GPN3: variants seen among roughly 807,000 people sequenced by gnomAD.
GPN3 encodes GPN-loop GTPase 3, also known as ATP-binding domain 1 family member C.
Under a neutral mutation model 38.7 loss-of-function variants are expected in GPN3, and 31 were observed. The ratio of observed to expected loss-of-function variants is 0.80; its 90% CI spans 0.60 to 1.08. The LOEUF is 1.08. Among genes scored for constraint, GPN3 ranks in the 50% least tolerant of loss-of-function variants. The pLI, the probability that GPN3 is intolerant of heterozygous loss-of-function variation, is 0.00. For missense variants in GPN3, 301 were observed against 354.4 expected, an observed-to-expected ratio of 0.85 and a Z score of 1.21; for synonymous variants, 116 against 120.2, an observed-to-expected ratio of 0.96 and a Z score of 0.23.
At chr12:110,460,008 G>C in intron 2 of GPN3, 146 bp from the exon 3 acceptor site, 1 of 637,710 alleles carries the variant, frequency 1.6e-6, no homozygotes. Context: ...CTGTAGCAGT[G>C]TCCATCAATA....
Position 110,452,977 on chromosome 12 carries a change from A to T in GPN3, c.*57T>A. The T allele has an allele frequency of 1.2e-6, 1 of 811,944 alleles. No individual in the cohort carries two copies. Among genetic ancestry groups the T allele is most frequent in the South Asian group, 1.3e-5 (1 of 74,740 alleles). The allele number at this position is 811,944 out of a possible 1,614,324, so 50.3% of individuals were successfully genotyped here. A position where few individuals can be genotyped will look rare whatever the true frequency, so the allele number is the denominator to read the frequency against. On this transcript the variant is annotated 3_prime_UTR_variant, in exon 8 of 8. Coordinates refer to ENST00000228827, the MANE Select transcript of GPN3 (RefSeq NM_016301.4). ...TCTACTATTGCATCCTTTGAAGAGAAGAATGTTCTGCTGGTTTGGCCACAA... is the reference window on the plus strand; with the variant it reads ...TCTACTATTGCATCCTTTGAAGAGATGAATGTTCTGCTGGTTTGGCCACAA...
At chr12:110,468,037 G>A in intron 1 of GPN3, 119 bp downstream of exon 1, 5 of 1,336,554 alleles carry the variant, frequency 3.7e-6, no homozygotes, top group African/African-American at 1.4e-5. Flanking sequence ...CAGCAGAAAT[G>A]AGTTGCGTGG....
At chr12:110,462,017 T>C (rs116937377) in intron 2 of GPN3, among the ~76,000 whole-genome samples, 1,825 of 152,214 alleles carry the variant, frequency 0.012, 17 homozygotes, top group Middle Eastern at 0.027. Flanking sequence ...AATCTTTGTA[T>C]TGACTTGTAG....
At chr12:110,465,893 A>G (rs1436185786) in intron 1 of GPN3, among the ~76,000 whole-genome samples, 1 of 152,136 alleles carries the variant, frequency 6.6e-6, no homozygotes, top group African/African-American at 2.4e-5. Flanking sequence ...CCTGGCCGAC[A>G]TGGTGAAACC....
intron 2 of GPN3, among the ~76,000 whole-genome samples, chr12:110,462,217 A>G (rs1449678332): frequency 6.6e-6 from 1 of 152,148 alleles, no homozygotes; most frequent in Non-Finnish European, 1.5e-5. Flanking sequence ...AAGTAATACA[A>G]TGCCTTTTTT....
In GPN3 at chr12:110,468,151, C is replaced by G; in HGVS notation, c.48+5G>C. ...TTTTCTCTCCTTGTCCCCGCAGATC[C>G]TCACCTTCCCGCTGCCCGCGGGGCC... On this transcript the variant is annotated splice_donor_5th_base_variant and intron_variant, in intron 1 of 7. Coordinates refer to ENST00000228827, the MANE Select transcript of GPN3 (RefSeq NM_016301.4). 1 of 1,613,900 alleles carries G rather than the reference C, an allele frequency of 6.2e-7. No individual in the cohort carries two copies. The highest frequency in any genetic ancestry group is 8.5e-7 in the Non-Finnish European group (1 of 1,180,032).
chr12:110,463,581 G>A (rs574156815), intron 2 of GPN3, among the ~76,000 whole-genome samples: 9 of 119,936 alleles, frequency 7.5e-5, no homozygotes, highest in Admixed American at 3.4e-4. Flanking sequence ...ACCAGCCTGG[G>A]CAGCATGGTG....
At chr12:110,454,784 T>G (rs1176012892) in intron 6 of GPN3, among the ~76,000 whole-genome samples, 1 of 151,496 alleles carries the variant, frequency 6.6e-6, no homozygotes, top group African/African-American at 2.4e-5. Context: ...CACCTCAGCC[T>G]CCACAGTAGC....
At chr12:110,461,097 G>C (rs2062584822) in intron 2 of GPN3, 1 of 1,438,636 alleles carries the variant, frequency 7.0e-7, no homozygotes, top group Non-Finnish European at 9.8e-7. Flanking sequence ...TATGGAGTGG[G>C]CTTCAAGAAG....
rs368125599 is a variant in GPN3 at position 110,455,659 on chromosome 12, G to T, written c.590C>A (p.Ser197Tyr). ...IEKFLDPDMYSLLEDSTSDLR... is the reference protein window; with the variant it reads ...IEKFLDPDMYYLLEDSTSDLR... ...GTCACTTGTAGAATCTTCTAATAAA[G>T]AATACATGTCTGGATCTAAAAATCT... The change falls in exon 6 of 8, where the codon TCT (serine) becomes TAT (tyrosine). Residue 197 changes from serine (S) to tyrosine (Y), a missense_variant. Physicochemically the swap from Ser to Tyr is moderately radical, Grantham distance 144. Transcript: ENST00000228827. 4 of 1,352,056 alleles carry T rather than the reference G, an allele frequency of 3.0e-6. No individual in the cohort carries two copies. In the African/African-American group the frequency reaches 5.8e-5, roughly 19 times the overall value. 83.8% of individuals were successfully genotyped at this position (1,352,056 alleles called of 1,614,324 possible).
At chr12:110,464,140 T>C (rs2062611140) in intron 2 of GPN3, among the ~76,000 whole-genome samples, 1 of 152,108 alleles carries the variant, frequency 6.6e-6, no homozygotes, top group African/African-American at 2.4e-5. Context: ...CAGCTTGGCA[T>C]ATTTATTGAT....
At chr12:110,457,478 AAAAAAAAT>A in intron 4 of GPN3, 24 bp downstream of exon 4, 1 of 1,434,266 alleles carries the variant, frequency 7.0e-7, no homozygotes, top group Non-Finnish European at 9.1e-7. Context: ...AAAAAAAAAA[AAAAAAAAT>A]CTGTAAGAGA....
At chr12:110,461,169 AT>A (rs2062585662) in intron 2 of GPN3, 1 of 1,287,584 alleles carries the variant, frequency 7.8e-7, no homozygotes. Flanking sequence ...GGAACTCCAG[AT>A]GTGCGCATTG....
intron 4 of GPN3, among the ~76,000 whole-genome samples, chr12:110,456,751 CG>C (rs2062552851): frequency 2.0e-5 from 3 of 149,800 alleles, no homozygotes; most frequent in Non-Finnish European, 4.4e-5. Context: ...TGCAATGGTG[CG>C]ATCTTGGCGA....
chr12:110,468,701 C>A (rs868314794), upstream of GPN3: 16 of 1,519,014 alleles, frequency 1.1e-5, no homozygotes, highest in Middle Eastern at 2.3e-3. Flanking sequence ...CGCTCAGCGA[C>A]CGCAGCGCTC....
intron 2 of GPN3, among the ~76,000 whole-genome samples, chr12:110,463,376 G>A (rs1462915242): frequency 6.6e-6 from 1 of 151,650 alleles, no homozygotes; most frequent in East Asian, 1.9e-4. Flanking sequence ...CTTGAGTCCA[G>A]GAGGTTGAGA....
At chr12:110,466,155 C>G (rs1412257984) in intron 1 of GPN3, among the ~76,000 whole-genome samples, 1 of 151,726 alleles carries the variant, frequency 6.6e-6, no homozygotes, top group Non-Finnish European at 1.5e-5. Flanking sequence ...TATTCAGTTT[C>G]CCAAGCACAG....
chr12:110,463,795 A>C (rs954953067), intron 2 of GPN3, among the ~76,000 whole-genome samples: 8 of 151,340 alleles, frequency 5.3e-5, no homozygotes, highest in Admixed American at 1.3e-4. Flanking sequence ...AAAAAAAAAA[A>C]AACCCCAAAA....
chr12:110,454,333 AAAC>A (rs2062534546), intron 6 of GPN3, among the ~76,000 whole-genome samples: 3 of 152,184 alleles, frequency 2.0e-5, no homozygotes, highest in Admixed American at 2.0e-4. Context: ...GGACACAGGC[AAAC>A]ACTTGACCAG....
Sources: allele counts gnomAD v4.1 joint callset (sites outside exome capture counted in the v4.1 genomes callset), GRCh38; gene constraint gnomAD v4.1.1; transcripts MANE v1.5; gene names NCBI Gene and HGNC (gene_info 2026-07-23, HGNC 2026-07-21).